The following MBD2 variants were observed in gnomAD, a reference collection of about 807,000 sequenced individuals.
The protein encoded by MBD2 is methyl-CpG-binding domain protein 2.
A neutral mutation model predicts 39.3 loss-of-function variants in MBD2; 9 were observed. That is an observed-to-expected ratio of 0.23 (90% CI 0.14 to 0.40). The LOEUF (loss-of-function observed/expected upper bound fraction) is 0.40. Ranked by LOEUF, MBD2 falls within the 10% of genes least tolerant of loss-of-function variation. The pLI is 1.00. For synonymous variants in MBD2, 233 were observed against 211.1 expected (o/e 1.10, Z -0.90); for missense variants, 458 against 532.6 (o/e 0.86, Z 1.38).
intron 3 of MBD2, among the ~76,000 whole-genome samples, chr18:54,180,300 A>G (rs922698762): frequency 2.6e-5 from 4 of 152,150 alleles, no homozygotes; most frequent in Non-Finnish European, 4.4e-5. Flanking sequence ...ATTTTTGATG[A>G]GCATGTGGCA....
rs530563984 is a variant in MBD2 at position 54,215,468 on chromosome 18, A to G, written c.542+8550T>C. 2.0e-5 allele frequency among the ~76,000 whole-genome samples: 3 copies of G among 152,212 alleles called. No homozygotes were observed. The South Asian group carries it at 6.2e-4, about 32-fold the overall frequency. On this transcript the variant is annotated intron_variant, in intron 1 of 6. Transcript: ENST00000256429. ...GAAACATAGCCTCCCAAGATGATAC[A>G]AAAGCAATTTCTGAGGATAGATTTT...
chr18:54,224,217 C>CGCCGCCGCCGCA lies in MBD2; in HGVS notation c.331_342dup (p.Cys111_Gly114dup), dbSNP rs1233231855. ...CGGGGGGCGCCGCCGCCACCGCTGC[C>CGCCGCCGCCGCA]GCCGCCGCCGCAGCCGCCGCCGTCG... On this transcript the variant is annotated inframe_insertion, in exon 1 of 7. Coordinates refer to ENST00000256429, the MANE Select transcript of MBD2 (RefSeq NM_003927.5). 10 of 1,080,382 alleles carry CGCCGCCGCCGCA rather than the reference C, an allele frequency of 9.3e-6. No individual in the cohort carries two copies. Among genetic ancestry groups the CGCCGCCGCCGCA allele is most frequent in the East Asian group, 5.0e-5 (1 of 20,118 alleles). The allele number at this position is 1,080,382 out of a possible 1,614,324, so 66.9% of individuals were successfully genotyped here.
intron 2 of MBD2, chr18:54,202,915 T>C (rs773684819): frequency 1.8e-6 from 2 of 1,093,902 alleles, no homozygotes; most frequent in South Asian, 1.2e-5. Flanking sequence ...AAAGGATTGG[T>C]TCTGCCTGGA....
At chr18:54,208,161 C>A (rs939704836) in intron 1 of MBD2, among the ~76,000 whole-genome samples, 16 of 151,742 alleles carry the variant, frequency 1.1e-4, no homozygotes, top group African/African-American at 3.6e-4. Context: ...GTTAACATAC[C>A]ACAAAAAAAT....
intron 1 of MBD2, 67 bp downstream of exon 1, chr18:54,223,951 C>T (rs931704398): frequency 2.9e-6 from 4 of 1,391,560 alleles, no homozygotes; most frequent in Non-Finnish European, 3.9e-6. Flanking sequence ...ATCCTCTGCC[C>T]AGGCCCGCTC....
chr18:54,217,598 G>T (rs774621654), intron 1 of MBD2, among the ~76,000 whole-genome samples: 4 of 151,994 alleles, frequency 2.6e-5, no homozygotes, highest in Non-Finnish European at 5.9e-5. Flanking sequence ...AAAAAGTTAT[G>T]AATTTCTATG....
At chr18:54,211,313 T>C (rs572841878) in intron 1 of MBD2, among the ~76,000 whole-genome samples, 1 of 151,890 alleles carries the variant, frequency 6.6e-6, no homozygotes, top group South Asian at 2.1e-4. Context: ...AAACATGAAA[T>C]TAGAATTATT....
rs1211791099 is a variant in MBD2, at chr18:54,222,173, A to G, written c.542+1845T>C. ...AGAAAGAAAACAGAATGCTCTGTTA[A>G]TGAAAGAATACTAGAAAACGAACAA... On this transcript the variant is annotated intron_variant, in intron 1 of 6. Transcript: ENST00000256429. 7 of 310,856 alleles carry G rather than the reference A, an allele frequency of 2.3e-5. No homozygotes were observed. In the East Asian group the frequency reaches 5.0e-4, roughly 22 times the overall value. The allele number at this position is 310,856 out of a possible 1,614,324, so 19.3% of individuals were successfully genotyped here. A position where few individuals can be genotyped will look rare whatever the true frequency, so the allele number is the denominator to read the frequency against.
chr18:54,207,524 C>T (rs746159816), intron 1 of MBD2, among the ~76,000 whole-genome samples: 4 of 152,136 alleles, frequency 2.6e-5, no homozygotes, highest in East Asian at 1.9e-4. Flanking sequence ...GAGCAAAAAA[C>T]GTTATCAGTT....
chr18:54,212,881 A>G (rs1389721175), intron 1 of MBD2, among the ~76,000 whole-genome samples: 3 of 151,668 alleles, frequency 2.0e-5, no homozygotes. Flanking sequence ...AAAACACAAA[A>G]ATTAGCCGAG....
intron 2 of MBD2, among the ~76,000 whole-genome samples, chr18:54,196,672 C>G (rs1373765678): frequency 6.6e-6 from 1 of 152,168 alleles, no homozygotes; most frequent in South Asian, 2.1e-4. Flanking sequence ...CCTGGGCATA[C>G]CAAACAAATC....
chr18:54,203,748 C>CG (rs1354673315), intron 2 of MBD2, among the ~76,000 whole-genome samples: 1 of 152,098 alleles, frequency 6.6e-6, no homozygotes, highest in Non-Finnish European at 1.5e-5. Flanking sequence ...CAAGAGAGCT[C>CG]GGGTCAGAAA....
At chr18:54,178,227 A>C (rs1195097452) in intron 3 of MBD2, among the ~76,000 whole-genome samples, 1 of 152,216 alleles carries the variant, frequency 6.6e-6, no homozygotes, top group Non-Finnish European at 1.5e-5. Flanking sequence ...CACTAGAATT[A>C]AAATCAGGTT....
In MBD2 at chr18:54,179,052, T is replaced by C. The variant is rs113342612; in HGVS notation, c.840+9822A>G. Reference sequence around the variant, plus strand: ...AAAATTTTTAAAAACTAGCCAGGCGTGGTGGTGTGCACCTGTAGTCCCAGC... The same window carrying C: ...AAAATTTTTAAAAACTAGCCAGGCGCGGTGGTGTGCACCTGTAGTCCCAGC... On this transcript the variant is annotated intron_variant, in intron 3 of 6. Transcript: ENST00000256429. 5.1e-3 allele frequency among the ~76,000 whole-genome samples: 780 copies of C among 152,288 alleles called. 10 individuals are homozygous for C. Among genetic ancestry groups the C allele is most frequent in the African/African-American group, 0.016 (666 of 41,582 alleles).
At position 54,224,625 on chromosome 18, in the gene MBD2, G is replaced by C. The variant is rs1347198395; in HGVS notation, c.-66C>G. The C allele has an allele frequency of 8.8e-7, 1 of 1,137,742 alleles. No individual in the cohort carries two copies. The highest frequency in any genetic ancestry group is 1.1e-6 in the Non-Finnish European group (1 of 903,314). The allele number at this position is 1,137,742 out of a possible 1,614,324, so 70.5% of individuals were successfully genotyped here. Reference sequence around the variant, plus strand: ...CGAGCCCTTGGAATCCCGGAGACCCGCCCCGCCCGCAGCGCGGCGCGCGGG... The same window carrying C: ...CGAGCCCTTGGAATCCCGGAGACCCCCCCCGCCCGCAGCGCGGCGCGCGGG... On this transcript the variant is annotated 5_prime_UTR_variant, in exon 1 of 7. Coordinates refer to ENST00000256429, the MANE Select transcript of MBD2 (RefSeq NM_003927.5).
intron 3 of MBD2, among the ~76,000 whole-genome samples, chr18:54,168,429 A>T (rs2086152067): frequency 6.6e-6 from 1 of 151,760 alleles, no homozygotes; most frequent in Non-Finnish European, 1.5e-5. Flanking sequence ...CTGAAGTTAG[A>T]ATCTGATATG....
intron 3 of MBD2, among the ~76,000 whole-genome samples, chr18:54,178,083 C>A (rs1001832625): frequency 2.6e-5 from 4 of 151,998 alleles, no homozygotes; most frequent in Non-Finnish European, 5.9e-5. Context: ...CTCAAGCAGT[C>A]CTCCCATCTC....
chr18:54,166,583 G>A (rs2086134430), intron 3 of MBD2, among the ~76,000 whole-genome samples: 1 of 152,204 alleles, frequency 6.6e-6, no homozygotes, highest in Non-Finnish European at 1.5e-5. Context: ...ATTAGAGAAA[G>A]AGCTACTCCA....
chr18:54,175,523 ATT>A (rs1183916220), intron 3 of MBD2, among the ~76,000 whole-genome samples: 1 of 151,672 alleles, frequency 6.6e-6, no homozygotes, highest in East Asian at 1.9e-4. Context: ...CACATTTTCC[ATT>A]TTTCCCCTCC....
Sources: allele counts gnomAD v4.1 joint callset (sites outside exome capture counted in the v4.1 genomes callset), GRCh38; gene constraint gnomAD v4.1.1; transcripts MANE v1.5; gene names NCBI Gene and HGNC (gene_info 2026-07-23, HGNC 2026-07-21).